Variants in TMEM132B observed in about 807,000 individuals in gnomAD.
TMEM132B encodes transmembrane protein 132B.
A neutral mutation model predicts 90.8 loss-of-function variants in TMEM132B; 18 were observed. The observed-to-expected ratio is 0.20, with a 90% CI of 0.14 to 0.29. TMEM132B has a LOEUF of 0.29. Among genes scored for constraint, TMEM132B ranks in the 10% least tolerant of loss-of-function variants. TMEM132B has a pLI of 1.00. For missense variants in TMEM132B, 1,096 were observed against 1,326.8 expected (o/e 0.83, Z 2.70); for synonymous variants, 504 against 523.3 (o/e 0.96, Z 0.50).
chr12:125,276,715 G>A (rs1875000645), intron 1 of TMEM132B, among the ~76,000 whole-genome samples: 1 of 152,190 alleles, frequency 6.6e-6, no homozygotes, highest in African/African-American at 2.4e-5. Context: ...ACCCTTGTTG[G>A]TGTGGCTGTC....
chr12:125,591,511 A>G (rs1885317973), intron 5 of TMEM132B, among the ~76,000 whole-genome samples: 1 of 152,186 alleles, frequency 6.6e-6, no homozygotes. Flanking sequence ...GATAATCCAT[A>G]TCAAGATCCT....
intron 1 of TMEM132B, among the ~76,000 whole-genome samples, chr12:125,253,508 C>G (rs1293110172): frequency 6.7e-6 from 1 of 150,062 alleles, no homozygotes; most frequent in East Asian, 2.0e-4. Context: ...AATCATGGCT[C>G]CCTGCCACCT....
At chr12:125,525,125 GGGGGCAGCAGAACACTCTAGTA>G (rs1883413245) in intron 4 of TMEM132B, among the ~76,000 whole-genome samples, 1 of 152,106 alleles carries the variant, frequency 6.6e-6, no homozygotes, top group Non-Finnish European at 1.5e-5. Flanking sequence ...GAACAGAGAA[GGGGGCAGCAGAACACTCTAGTA>G]GGCTTGCATA....
intron 3 of TMEM132B, among the ~76,000 whole-genome samples, chr12:125,436,750 G>A (rs1314487311): frequency 6.6e-6 from 1 of 152,156 alleles, no homozygotes; most frequent in East Asian, 1.9e-4. Flanking sequence ...GTGGTACTTT[G>A]TTACGGCAGC....
intron 1 of TMEM132B, among the ~76,000 whole-genome samples, chr12:125,321,470 AT>A (rs1161420361): frequency 7.2e-6 from 1 of 139,310 alleles, no homozygotes; most frequent in Non-Finnish European, 1.5e-5. Context: ...ACTTTTGAAA[AT>A]GATTCTTTTT....
chr12:125,632,098 T>G (rs893209591), intron 5 of TMEM132B, among the ~76,000 whole-genome samples: 4 of 152,110 alleles, frequency 2.6e-5, no homozygotes, highest in African/African-American at 9.7e-5. Flanking sequence ...TGAAGGTGAT[T>G]TTTTTGGTGA....
chr12:125,527,623 CCCATCCACCCTT>C (rs1883527251), intron 4 of TMEM132B, among the ~76,000 whole-genome samples: 1 of 149,012 alleles, frequency 6.7e-6, no homozygotes, highest in South Asian at 2.1e-4. Flanking sequence ...CTTCCATCTA[CCCATCCACCCTT>C]CCATCCACCC....
At chr12:125,552,377 G>A (rs564580799) in intron 4 of TMEM132B, among the ~76,000 whole-genome samples, 8 of 152,304 alleles carry the variant, frequency 5.3e-5, no homozygotes, top group African/African-American at 1.9e-4. Context: ...AGAGACAGAG[G>A]GGGGTGCCCT....
Position 125,415,381 on chromosome 12 carries a change from C to T in TMEM132B, c.960-150C>T. 2 of 996,468 alleles carry T rather than the reference C, an allele frequency of 2.0e-6. No individual in the cohort carries two copies. The highest frequency in any genetic ancestry group is 1.4e-6 in the Non-Finnish European group (1 of 705,292). The allele number at this position is 996,468 out of a possible 1,614,324, so 61.7% of individuals were successfully genotyped here. ...ACACTTAGTTTTTAAAGGAAAGCCA[C>T]TTGCCACCACTCTCCCCCACATCTC... On this transcript the variant is annotated intron_variant, in intron 2 of 8. Transcript: ENST00000682704. The surrounding 1 kb of genome is among the most constrained non-coding windows in gnomAD (Gnocchi z 5.3).
chr12:125,258,032 C>CTA (rs1874480084), intron 1 of TMEM132B, among the ~76,000 whole-genome samples: 1 of 152,204 alleles, frequency 6.6e-6, no homozygotes, highest in South Asian at 2.1e-4. Context: ...GACACTGATG[C>CTA]TATGGTTTTT....
At position 125,440,696 on chromosome 12, in the gene TMEM132B, G is replaced by A. The variant is rs535896286; in HGVS notation, c.1106+25019G>A. Among the ~76,000 whole-genome samples the A allele has an allele frequency of 3.3e-5, 5 of 152,270 alleles. No individual in the cohort carries two copies. The South Asian group carries it at 8.3e-4, about 25-fold the overall frequency. Reference sequence around the variant, plus strand: ...TTGGTTCAGTTGCAATCTCCAATATGTAGGCAACAAATCAGTGGCCCATAA... The same window carrying A: ...TTGGTTCAGTTGCAATCTCCAATATATAGGCAACAAATCAGTGGCCCATAA... On this transcript the variant is annotated intron_variant, in intron 3 of 8. Coordinates refer to ENST00000682704, the MANE Select transcript of TMEM132B (RefSeq NM_001366854.1).
At chr12:125,335,373 C>T (rs2136211726) in intron 1 of TMEM132B, among the ~76,000 whole-genome samples, 1 of 152,340 alleles carries the variant, frequency 6.6e-6, no homozygotes, top group East Asian at 1.9e-4. Flanking sequence ...CCCCACCTCT[C>T]CTATTCCAGC....
At chr12:125,411,043 GTGGAGTGGAGTGGAGTGGAGT>G (rs1476731634) in intron 2 of TMEM132B, among the ~76,000 whole-genome samples, 59 of 2,602 alleles carry the variant, frequency 0.023, 18 homozygotes, top group African/African-American at 0.16. Flanking sequence ...AGTGAGTGGA[GTGGAGTGGAGTGGAGTGGAGT>G]GAGTGGAGTG....
At chr12:125,483,186 T>G (rs11058196) in intron 3 of TMEM132B, among the ~76,000 whole-genome samples, 1 of 151,680 alleles carries the variant, frequency 6.6e-6, no homozygotes, top group Non-Finnish European at 1.5e-5. Flanking sequence ...ACGGCACATG[T>G]ATACACATGT....
intron 4 of TMEM132B, among the ~76,000 whole-genome samples, chr12:125,576,358 G>A (rs1478107570): frequency 6.6e-6 from 1 of 151,816 alleles, no homozygotes; most frequent in African/African-American, 2.4e-5. Flanking sequence ...AGCTTTAATG[G>A]TTTGCTTGTG....
chr12:125,398,246 G>A (rs1268307394), intron 2 of TMEM132B, among the ~76,000 whole-genome samples: 1 of 152,054 alleles, frequency 6.6e-6, no homozygotes, highest in Non-Finnish European at 1.5e-5. Flanking sequence ...CCTCTTACCT[G>A]CTTCCTGAGT....
At chr12:125,247,841 C>T (rs1190513034) in intron 1 of TMEM132B, among the ~76,000 whole-genome samples, 1 of 152,220 alleles carries the variant, frequency 6.6e-6, no homozygotes, top group Non-Finnish European at 1.5e-5. Context: ...CCAGATGGCA[C>T]GAAGTAGGGA....
At chr12:125,202,485 C>T (rs1295371693) in intron 1 of TMEM132B, among the ~76,000 whole-genome samples, 1 of 152,232 alleles carries the variant, frequency 6.6e-6, no homozygotes, top group East Asian at 1.9e-4. Flanking sequence ...CTGCTGTGCT[C>T]ACATGGTGGT....
chr12:125,324,043 C>T (rs768263795), intron 1 of TMEM132B, among the ~76,000 whole-genome samples: 22 of 151,736 alleles, frequency 1.4e-4, no homozygotes, highest in Admixed American at 3.9e-4. Flanking sequence ...ACACACACAA[C>T]GGGGGCAGGG....
Sources: gnomAD v4.1 joint callset for allele counts (sites outside exome capture counted in the v4.1 genomes callset) on GRCh38, gnomAD v4.1.1 for gene constraint, Gnocchi (gnomAD v3.1) non-coding constraint, MANE v1.5 for transcripts, NCBI Gene and HGNC (gene_info 2026-07-23, HGNC 2026-07-21) for gene names.